The following DLG2 variants were observed in gnomAD, a reference collection of about 807,000 sequenced individuals.
The protein encoded by DLG2 is discs large MAGUK scaffold protein 2, also known as disks large homolog 2.
A neutral mutation model predicts 132.5 loss-of-function variants in DLG2; 45 were observed. That is an observed-to-expected ratio of 0.34 (90% CI 0.27 to 0.44). The LOEUF (loss-of-function observed/expected upper bound fraction) is 0.44, where lower values mean the gene tolerates loss of function less well. Among genes scored for constraint, DLG2 ranks in the 20% least tolerant of loss-of-function variants. The pLI, the probability that DLG2 is intolerant of heterozygous loss-of-function variation, is 1.00. For missense variants in DLG2, 1,045 were observed against 1,196.9 expected, an observed-to-expected ratio of 0.87 and a Z score of 1.87; for synonymous variants, 424 against 419.6, an observed-to-expected ratio of 1.01 and a Z score of -0.13.
At chr11:83,555,905 T>G (rs1055317394) in intron 19 of DLG2, among the ~76,000 whole-genome samples, 7 of 152,250 alleles carry the variant, frequency 4.6e-5, no homozygotes, top group Non-Finnish European at 1.0e-4. Flanking sequence ...AGACATCTAT[T>G]TGTTTCCAAA....
At chr11:84,953,394 A>T (rs922406747) in intron 6 of DLG2, among the ~76,000 whole-genome samples, 7 of 152,112 alleles carry the variant, frequency 4.6e-5, no homozygotes, top group African/African-American at 1.2e-4. Flanking sequence ...AGCCTATAAT[A>T]CTGTTCCCCC....
chr11:83,651,598 G>A, intron 18 of DLG2: 1 of 246,192 alleles, frequency 4.1e-6, no homozygotes. Context: ...TATTATCAGT[G>A]TCTGATGATG....
At chr11:84,480,146 G>A (rs1379101216) in intron 7 of DLG2, among the ~76,000 whole-genome samples, 1 of 152,076 alleles carries the variant, frequency 6.6e-6, no homozygotes, top group Non-Finnish European at 1.5e-5. Flanking sequence ...ACACTCCTTA[G>A]CAACCTGAAA....
chr11:85,422,334 TG>T (rs960598815), intron 3 of DLG2, among the ~76,000 whole-genome samples: 17 of 152,304 alleles, frequency 1.1e-4, no homozygotes, highest in African/African-American at 3.8e-4. Context: ...CTCTTAGGTT[TG>T]GTTGTTTAAC....
intron 7 of DLG2, among the ~76,000 whole-genome samples, chr11:84,397,401 G>C (rs932501980): frequency 8.5e-5 from 13 of 152,160 alleles, no homozygotes; most frequent in African/African-American, 3.1e-4. Flanking sequence ...TTGTCTTCCT[G>C]GACCCACAGA....
chr11:85,483,317 G>A (rs1024347531), intron 3 of DLG2, among the ~76,000 whole-genome samples: 61 of 152,188 alleles, frequency 4.0e-4, no homozygotes, highest in Non-Finnish European at 6.9e-4. Flanking sequence ...TATTCAAAGT[G>A]CTGAAGTGTA....
chr11:83,730,279 C>T (rs1338273028), intron 18 of DLG2, among the ~76,000 whole-genome samples: 1 of 151,200 alleles, frequency 6.6e-6, no homozygotes, highest in Non-Finnish European at 1.5e-5. Context: ...TTTAATAACT[C>T]CTTAAAATTT....
chr11:84,506,076 G>GTTTTTTT (rs559086542), intron 7 of DLG2, among the ~76,000 whole-genome samples: 1 of 91,416 alleles, frequency 1.1e-5, no homozygotes, highest in African/African-American at 6.8e-5. Context: ...CAGAGGCTCA[G>GTTTTTTT]TTCTTTTTTT....
chr11:85,374,462 C>G (rs2152921888), intron 3 of DLG2, among the ~76,000 whole-genome samples: 1 of 152,290 alleles, frequency 6.6e-6, no homozygotes, highest in East Asian at 1.9e-4. Context: ...TCAGAGAACT[C>G]CTGAGCTATA....
chr11:84,859,434 A>ATG (rs1427947578), intron 6 of DLG2, among the ~76,000 whole-genome samples: 9 of 145,072 alleles, frequency 6.2e-5, no homozygotes, highest in East Asian at 4.0e-4. Context: ...ATACATATAT[A>ATG]TGTATATATA....
At chr11:83,850,160 G>GTGTGTGTGTGTGTTT (rs1452960432) in intron 16 of DLG2, among the ~76,000 whole-genome samples, 7 of 124,372 alleles carry the variant, frequency 5.6e-5, no homozygotes, top group African/African-American at 2.2e-4. Flanking sequence ...GTGTGTGTGT[G>GTGTGTGTGTGTGTTT]TTTTTTTACT....
At chr11:84,878,869 G>C (rs971107010) in intron 6 of DLG2, among the ~76,000 whole-genome samples, 1 of 152,150 alleles carries the variant, frequency 6.6e-6, no homozygotes, top group African/African-American at 2.4e-5. Flanking sequence ...TTGAAAGATG[G>C]TTTCACCATG....
chr11:85,104,641 T>TA (rs1305771975), intron 6 of DLG2, among the ~76,000 whole-genome samples: 4 of 151,848 alleles, frequency 2.6e-5, no homozygotes, highest in African/African-American at 9.7e-5. Context: ...ATTGGAGTGA[T>TA]AGTTGTACAA....
chr11:85,485,096 G>C (rs1450065208), intron 3 of DLG2, among the ~76,000 whole-genome samples: 4 of 151,728 alleles, frequency 2.6e-5, no homozygotes, highest in Non-Finnish European at 5.9e-5. Context: ...GCAAACTATC[G>C]CAAGGACAAA....
intron 6 of DLG2, among the ~76,000 whole-genome samples, chr11:84,761,443 T>A (rs952922676): frequency 2.6e-5 from 4 of 152,084 alleles, no homozygotes; most frequent in Admixed American, 1.3e-4. Context: ...GTGAGGGTGT[T>A]GCCAAAGGAG....
At chr11:83,526,204 C>CGG (rs2095605598) in intron 21 of DLG2, among the ~76,000 whole-genome samples, 1 of 152,134 alleles carries the variant, frequency 6.6e-6, no homozygotes, top group South Asian at 2.1e-4. Context: ...TAGGAACAGT[C>CGG]GGGACAAATG....
chr11:83,461,864 T>C (rs1476955496), intron 27 of DLG2, 138 bp downstream of exon 27: 4 of 639,038 alleles, frequency 6.3e-6, no homozygotes, highest in Admixed American at 2.4e-5. Flanking sequence ...GGGATACTCC[T>C]TGTATATGAA....
chr11:85,542,589 T>C (rs1278135337), intron 3 of DLG2, among the ~76,000 whole-genome samples: 1 of 152,170 alleles, frequency 6.6e-6, no homozygotes, highest in African/African-American at 2.4e-5. Context: ...ACATGAACAA[T>C]ACAAAGAATC....
chr11:84,907,309 G>A (rs2091621907), intron 6 of DLG2, among the ~76,000 whole-genome samples: 2 of 152,156 alleles, frequency 1.3e-5, no homozygotes, highest in African/African-American at 4.8e-5. Context: ...ATGAGTGATT[G>A]AGAAAAAATA....
Sources: gnomAD v4.1 joint callset for allele counts (sites outside exome capture counted in the v4.1 genomes callset) on GRCh38, gnomAD v4.1.1 for gene constraint, MANE v1.5 for transcripts, NCBI Gene and HGNC (gene_info 2026-07-23, HGNC 2026-07-21) for gene names.